Variants in DTX1 observed in about 807,000 individuals in gnomAD.
DTX1 encodes the protein deltex E3 ubiquitin ligase 1, also known as E3 ubiquitin-protein ligase DTX1.
Under a neutral mutation model 57.8 loss-of-function variants are expected in DTX1, and 26 were observed. The observed-to-expected ratio is 0.45, with a 90% CI of 0.33 to 0.62. The LOEUF is 0.62. DTX1 is among the 20% of genes least tolerant of loss of function. The pLI is 0.02. For synonymous variants in DTX1, 398 were observed against 394.1 expected, an observed-to-expected ratio of 1.01 and a Z score of -0.12; for missense variants, 704 against 895.3, an observed-to-expected ratio of 0.79 and a Z score of 2.73.
chr12:113,071,548 C>A (rs2044738268), intron 2 of DTX1, among the ~76,000 whole-genome samples: 1 of 152,226 alleles, frequency 6.6e-6, no homozygotes, highest in Admixed American at 6.5e-5. Context: ...CTGCTCTGGG[C>A]CACCAGCCTG....
chr12:113,078,722 A>G (rs1399016149), intron 3 of DTX1, among the ~76,000 whole-genome samples: 2 of 152,178 alleles, frequency 1.3e-5, no homozygotes, highest in African/African-American at 4.8e-5. Context: ...AGAGGGCTTC[A>G]GAGTCCATCT....
At chr12:113,088,265 G>T (rs554561480) in intron 3 of DTX1, among the ~76,000 whole-genome samples, 15 of 152,332 alleles carry the variant, frequency 9.8e-5, no homozygotes, top group African/African-American at 3.6e-4. Flanking sequence ...CTGCTCCAGG[G>T]CAGTGACTTC....
At position 113,058,166 on chromosome 12, in the gene DTX1, G is replaced by A. The variant is rs752104332; in HGVS notation, c.-27G>A. On this transcript the variant is annotated 5_prime_UTR_variant, in exon 2 of 10. Coordinates refer to ENST00000548759, the MANE Select transcript of DTX1 (RefSeq NM_004416.3). ...AGGAGCTGGGCCTGCAATAGTGGGG[G>A]ACCTGGCCCCTGAGGCAGTGGCGGC... 7.6e-6 allele frequency: 12 copies of A among 1,574,946 alleles called. No homozygotes were observed. The highest frequency in any genetic ancestry group is 1.2e-5 in the South Asian group (1 of 86,148).
intron 2 of DTX1, among the ~76,000 whole-genome samples, chr12:113,076,298 A>G (rs541803196): frequency 6.6e-6 from 1 of 152,110 alleles, no homozygotes; most frequent in South Asian, 2.1e-4. Flanking sequence ...ATCTCTACTA[A>G]AAATACAAAA....
At chr12:113,071,697 A>T (rs1295999412) in intron 2 of DTX1, among the ~76,000 whole-genome samples, 1 of 152,264 alleles carries the variant, frequency 6.6e-6, no homozygotes, top group Non-Finnish European at 1.5e-5. Context: ...TTGAGATCGA[A>T]GTCCAGGCAG....
chr12:113,091,305 A>G (rs1816541626), intron 3 of DTX1, among the ~76,000 whole-genome samples: 1 of 151,984 alleles, frequency 6.6e-6, no homozygotes, highest in Non-Finnish European at 1.5e-5. Context: ...ATCTTAATCC[A>G]TGTATGTTTG....
Position 113,093,411 on chromosome 12 carries a change from CT to C in DTX1, c.1004-127del, listed in dbSNP as rs1950261183. ...AGGCCCTTCAGGGGCCTTCAAGGGGCTGAGTGGGTGGGGCCCAAGAGCGCAA... is the reference window on the plus strand; with the variant it reads ...AGGCCCTTCAGGGGCCTTCAAGGGGCGAGTGGGTGGGGCCCAAGAGCGCAA... On this transcript the variant is annotated intron_variant, in intron 4 of 9. Transcript: ENST00000548759. This position sits in a 1 kb window ranked among gnomAD's most constrained non-coding sequence, Gnocchi z 4.2. 3 of 1,369,062 alleles carry C rather than the reference CT, an allele frequency of 2.2e-6. No individual in the cohort carries two copies. 84.8% of individuals were successfully genotyped at this position (1,369,062 alleles called of 1,614,324 possible).
Position 113,096,551 on chromosome 12 carries a change from T to C in DTX1, c.1639-164T>C, listed in dbSNP as rs138150287. Among the ~76,000 whole-genome samples the C allele has an allele frequency of 3.6e-3, 529 of 146,570 alleles. 3 individuals are homozygous for C. Among genetic ancestry groups the C allele is most frequent in the African/African-American group, 0.013 (516 of 39,434 alleles). ...GAGCTTTTACTGGAAGTTCAGGAAA[T>C]ACAAATGCAAAGGAAATGGCCAAGC... On this transcript the variant is annotated intron_variant, in intron 9 of 9. Coordinates refer to ENST00000548759, the MANE Select transcript of DTX1 (RefSeq NM_004416.3).
In DTX1 at chr12:113,057,990, G is replaced by A; in HGVS notation, c.-203G>A. ...CCTTTATCGGAGAAGGCTCTACAGGGAAGGGGTCTTTGCAGCCTGGATGGC... is the reference window on the plus strand; with the variant it reads ...CCTTTATCGGAGAAGGCTCTACAGGAAAGGGGTCTTTGCAGCCTGGATGGC... On this transcript the variant is annotated 5_prime_UTR_variant, in exon 2 of 10. Transcript: ENST00000548759. 1.3e-6 allele frequency: 1 copy of A among 763,036 alleles called. No individual in the cohort carries two copies. Among genetic ancestry groups the A allele is most frequent in the South Asian group, 1.9e-5 (1 of 52,252 alleles). The allele number at this position is 763,036 out of a possible 1,614,324, so 47.3% of individuals were successfully genotyped here.
chr12:113,078,022 G>A lies in DTX1; in HGVS notation c.858G>A (p.Ala286=), dbSNP rs766333628. ...GGAGCCCGGGCGCCCCCGGCGGAGC[G>A]CGCACCCCGGGGCAGAACAACCTCA... ...PPRSPGAPGG[A]RTPGQNNLNR... Residue 286 remains alanine, a synonymous_variant, in exon 3 of 10, where the codon GCG becomes GCA. Coordinates refer to ENST00000548759, the MANE Select transcript of DTX1 (RefSeq NM_004416.3). The A allele has an allele frequency of 4.0e-5, 47 of 1,185,794 alleles. No homozygotes were observed. Among genetic ancestry groups the A allele is most frequent in the Non-Finnish European group, 4.9e-5 (47 of 957,930 alleles). 73.5% of individuals were successfully genotyped at this position (1,185,794 alleles called of 1,614,324 possible).
chr12:113,062,459 AT>A (rs1465247467), intron 2 of DTX1, among the ~76,000 whole-genome samples: 2 of 152,120 alleles, frequency 1.3e-5, no homozygotes, highest in Non-Finnish European at 2.9e-5. Context: ...TCCCCCAACC[AT>A]TTAAAAATGT....
intron 6 of DTX1, 55 bp downstream of exon 6, chr12:113,094,154 C>A (rs1024010472): frequency 1.4e-6 from 2 of 1,481,454 alleles, no homozygotes; most frequent in South Asian, 1.2e-5. Context: ...GGGGCAGGAA[C>A]CCTCACCCCT....
At chr12:113,094,340 G>A (rs990393962) in intron 6 of DTX1, among the ~76,000 whole-genome samples, 1 of 152,104 alleles carries the variant, frequency 6.6e-6, no homozygotes, top group Non-Finnish European at 1.5e-5. Flanking sequence ...TTTAAGTTTT[G>A]CTTTTGATAG....
At chr12:113,065,132 C>CG (rs1303548709) in intron 2 of DTX1, among the ~76,000 whole-genome samples, 1 of 152,130 alleles carries the variant, frequency 6.6e-6, no homozygotes, top group African/African-American at 2.4e-5. Flanking sequence ...AGCCAGGCCC[C>CG]GGGGGACTCA....
intron 3 of DTX1, among the ~76,000 whole-genome samples, chr12:113,087,101 G>A (rs988409165): frequency 1.3e-5 from 2 of 149,128 alleles, no homozygotes; most frequent in African/African-American, 5.0e-5. Flanking sequence ...CAGAGAGCTG[G>A]GCAGGCTGGA....
intron 3 of DTX1, among the ~76,000 whole-genome samples, chr12:113,087,640 A>G (rs2044872177): frequency 2.0e-5 from 3 of 152,132 alleles, no homozygotes; most frequent in Admixed American, 6.5e-5. Context: ...CCATAAAGTG[A>G]CATCCTCACT....
intron 3 of DTX1, among the ~76,000 whole-genome samples, chr12:113,079,452 A>G (rs73205286): frequency 0.079 from 11,440 of 145,172 alleles, 570 homozygotes; most frequent in African/African-American, 0.14. Context: ...AGGTGGCCCT[A>G]TTCACCTTTT....
chr12:113,071,536 G>T (rs2044738183), intron 2 of DTX1, among the ~76,000 whole-genome samples: 1 of 152,246 alleles, frequency 6.6e-6, no homozygotes, highest in African/African-American at 2.4e-5. Context: ...GTGGGGTGTG[G>T]TCTGCTCTGG....
chr12:113,090,147 C>A (rs926105570), intron 3 of DTX1: 1 of 152,180 alleles, frequency 6.6e-6, no homozygotes, highest in African/African-American at 2.4e-5. Flanking sequence ...AAAAGAGATA[C>A]TTTCTTCTTG....
Sources: allele counts gnomAD v4.1 joint callset (sites outside exome capture counted in the v4.1 genomes callset), GRCh38; gene constraint gnomAD v4.1.1; non-coding constraint Gnocchi (gnomAD v3.1); transcripts MANE v1.5; gene names NCBI Gene and HGNC (gene_info 2026-07-23, HGNC 2026-07-21).